Variants in CEP97 observed in about 807,000 individuals in gnomAD.
CEP97 encodes the protein centrosomal protein of 97 kDa.
In CEP97, 43 loss-of-function variants were observed where a neutral mutation model predicts 73.1. The observed-to-expected ratio is 0.59, with a 90% CI of 0.46 to 0.76. CEP97 has a LOEUF of 0.76. Among genes scored for constraint, CEP97 ranks in the 30% least tolerant of loss-of-function variants. The probability of loss-of-function intolerance (pLI) is 0.00; values close to 1 mark genes in which losing one functional copy is unlikely to be tolerated. For synonymous variants in CEP97, 337 were observed against 370.0 expected, an observed-to-expected ratio of 0.91 and a Z score of 1.02; for missense variants, 939 against 1,014.0, an observed-to-expected ratio of 0.93 and a Z score of 1.00.
intron 8 of CEP97, 98 bp downstream of exon 8, chr3:101,757,294 T>C (rs1939035767): frequency 7.3e-7 from 1 of 1,368,342 alleles, no homozygotes; most frequent in African/African-American, 1.5e-5. Flanking sequence ...TAATTTTTTG[T>C]TAGTTTACTA....
chr3:101,749,047 GGTTA>G (rs1266231682), intron 6 of CEP97, among the ~76,000 whole-genome samples: 2 of 152,032 alleles, frequency 1.3e-5, no homozygotes, highest in African/African-American at 4.8e-5. Context: ...ACAACGTGCA[GGTTA>G]GTTACATATG....
intron 6 of CEP97, among the ~76,000 whole-genome samples, chr3:101,742,293 T>TA (rs1938483998): frequency 6.6e-6 from 1 of 152,188 alleles, no homozygotes; most frequent in Non-Finnish European, 1.5e-5. Context: ...CATGTATGTT[T>TA]ATTGTGGCAC....
In CEP97 at chr3:101,767,762, C is replaced by A. The variant is rs1939354124; in HGVS notation, c.*2211C>A. On this transcript the variant is annotated 3_prime_UTR_variant, in exon 11 of 11. Transcript: ENST00000341893. ...TGTTCTTCGTCTGTGTTTTATTTAA[C>A]TTTTACTAGTGTTTAGAAGTGCAAG... 1 of 152,142 alleles carries A rather than the reference C, an allele frequency of 6.6e-6. No homozygotes were observed. Among genetic ancestry groups the A allele is most frequent in the Non-Finnish European group, 1.5e-5 (1 of 68,016 alleles). The allele number at this position is 152,142 out of a possible 1,614,324, so 9.4% of individuals were successfully genotyped here. A position where few individuals can be genotyped will look rare whatever the true frequency, so the allele number is the denominator to read the frequency against.
intron 6 of CEP97, among the ~76,000 whole-genome samples, chr3:101,753,517 C>T (rs1395647141): frequency 6.6e-6 from 1 of 152,250 alleles, no homozygotes. Context: ...GTGGAGCCTA[C>T]AGAGGCAGGC....
intron 7 of CEP97, 94 bp downstream of exon 7, chr3:101,755,688 C>A: frequency 8.0e-7 from 1 of 1,255,726 alleles, no homozygotes; most frequent in Non-Finnish European, 1.1e-6. Flanking sequence ...GCAAGTGCTG[C>A]GGCCCACATT....
intron 10 of CEP97, 43 bp from the exon 11 acceptor site, chr3:101,764,804 A>C (rs182183943): frequency 2.0e-6 from 3 of 1,516,986 alleles, no homozygotes; most frequent in African/African-American, 2.8e-5. Flanking sequence ...AACAAAAACA[A>C]CACTTTTTAT....
chr3:101,745,573 T>C (rs1277826600), intron 6 of CEP97, among the ~76,000 whole-genome samples: 1 of 142,488 alleles, frequency 7.0e-6, no homozygotes, highest in Non-Finnish European at 1.5e-5. Flanking sequence ...GCCAATATCC[T>C]TTTTTTTTTT....
intron 10 of CEP97, among the ~76,000 whole-genome samples, chr3:101,763,369 A>G (rs1939219763): frequency 6.6e-6 from 1 of 152,136 alleles, no homozygotes; most frequent in African/African-American, 2.4e-5. Flanking sequence ...ATTCACCAAC[A>G]TGGAAAGATC....
intron 6 of CEP97, among the ~76,000 whole-genome samples, chr3:101,744,977 T>C (rs952023279): frequency 1.3e-5 from 2 of 152,256 alleles, no homozygotes; most frequent in Non-Finnish European, 2.9e-5. Context: ...TGAGTGTATG[T>C]ATTACCCAAA....
chr3:101,744,284 A>T (rs1320956288), intron 6 of CEP97, among the ~76,000 whole-genome samples: 1 of 151,838 alleles, frequency 6.6e-6, no homozygotes, highest in East Asian at 1.9e-4. Context: ...TAGAGTTCTC[A>T]AAAAAAGAAA....
chr3:101,748,567 A>C (rs567364488), intron 6 of CEP97, among the ~76,000 whole-genome samples: 1 of 152,204 alleles, frequency 6.6e-6, no homozygotes, highest in Non-Finnish European at 1.5e-5. Context: ...AGGAGAATGT[A>C]TGCAGACTTA....
At position 101,752,415 on chromosome 3, in the gene CEP97, G is replaced by C. The variant is rs953633447; in HGVS notation, c.729-3015G>C. Among the ~76,000 whole-genome samples, 8 of 152,052 alleles carry C rather than the reference G, an allele frequency of 5.3e-5. 1 individual carries two copies. The highest frequency in any genetic ancestry group is 4.6e-4 in the Admixed American group (7 of 15,250). ...AAGGAGTATCTTTGTGGCGTTCTCT[G>C]TATTTCCTGAATCTGAATGTTGGCC... is the stretch of plus-strand genomic sequence containing the variant. On this transcript the variant is annotated intron_variant, in intron 6 of 10. Coordinates refer to ENST00000341893, the MANE Select transcript of CEP97 (RefSeq NM_024548.4).
intron 10 of CEP97, among the ~76,000 whole-genome samples, chr3:101,763,531 C>G (rs536253546): frequency 6.6e-6 from 1 of 152,076 alleles, no homozygotes; most frequent in Non-Finnish European, 1.5e-5. Flanking sequence ...TTTGAAAATA[C>G]GACCTAGAAA....
At chr3:101,740,869 G>A (rs371270447) in intron 6 of CEP97, among the ~76,000 whole-genome samples, 6 of 152,204 alleles carry the variant, frequency 3.9e-5, no homozygotes, top group African/African-American at 1.4e-4. Flanking sequence ...GATTACAGGC[G>A]TGAGCCAGCG....
At position 101,758,430 on chromosome 3, in the gene CEP97, C is replaced by A; in HGVS notation, c.1817+7C>A. ...TAACTGATGAAATAAGGAGGTGGGT[C>A]AGAAGTCCTTTTGATGCACTGTTTT... On this transcript the variant is annotated splice_region_variant and intron_variant, in intron 9 of 10. Coordinates refer to ENST00000341893, the MANE Select transcript of CEP97 (RefSeq NM_024548.4). 1 of 1,613,416 alleles carries A rather than the reference C, an allele frequency of 6.2e-7. No homozygotes were observed. Among genetic ancestry groups the A allele is most frequent in the South Asian group, 1.1e-5 (1 of 90,992 alleles).
chr3:101,735,347 G>A (rs1938238600), intron 6 of CEP97, among the ~76,000 whole-genome samples: 1 of 152,140 alleles, frequency 6.6e-6, no homozygotes, highest in South Asian at 2.1e-4. Context: ...TCCCACTTGG[G>A]GTAGCCTCTC....
At chr3:101,746,228 G>T (rs1400887702) in intron 6 of CEP97, among the ~76,000 whole-genome samples, 1 of 152,152 alleles carries the variant, frequency 6.6e-6, no homozygotes, top group Non-Finnish European at 1.5e-5. Context: ...GTGTGCATGT[G>T]TCTTTATAGC....
chr3:101,751,566 C>T (rs1322526470), intron 6 of CEP97, among the ~76,000 whole-genome samples: 2 of 152,196 alleles, frequency 1.3e-5, no homozygotes, highest in African/African-American at 4.8e-5. Context: ...TTGTAGGTCA[C>T]TAAAGACTTG....
At chr3:101,727,362 C>A in intron 2 of CEP97, 21 bp from the exon 3 acceptor site, 2 of 1,516,300 alleles carry the variant, frequency 1.3e-6, no homozygotes, top group East Asian at 2.3e-5. Flanking sequence ...CTAAAAATAA[C>A]AATATGTTTC....
Sources: gnomAD v4.1 joint callset for allele counts (sites outside exome capture counted in the v4.1 genomes callset) on GRCh38, gnomAD v4.1.1 for gene constraint, MANE v1.5 for transcripts, NCBI Gene and HGNC (gene_info 2026-07-23, HGNC 2026-07-21) for gene names.